Variants in ZNF148 observed in about 807,000 individuals in gnomAD.
ZNF148 encodes zinc finger protein 148, also known as Beta-Enolase Repressor Factor-1.
In ZNF148, 7 loss-of-function variants were observed where a neutral mutation model predicts 67.7. That is an observed-to-expected ratio of 0.10 (90% CI 0.06 to 0.19). The LOEUF (loss-of-function observed/expected upper bound fraction) is 0.19. ZNF148 is among the 10% of genes least tolerant of loss of function. The pLI, the probability that ZNF148 is intolerant of heterozygous loss-of-function variation, is 1.00. For missense variants in ZNF148, 583 were observed against 947.1 expected (o/e 0.62, Z 5.05); for synonymous variants, 333 against 330.7 (o/e 1.01, Z -0.08).
chr3:125,366,156 T>C (rs1021130790), intron 1 of ZNF148, among the ~76,000 whole-genome samples: 13 of 152,364 alleles, frequency 8.5e-5, no homozygotes, highest in African/African-American at 3.1e-4. Flanking sequence ...TTTAATCATA[T>C]GTTAACATAC....
intron 5 of ZNF148, among the ~76,000 whole-genome samples, chr3:125,286,429 A>C (rs1046431692): frequency 6.6e-6 from 1 of 152,190 alleles, no homozygotes; most frequent in Admixed American, 6.5e-5. Context: ...ATGCAGACAG[A>C]TACACCTCAG....
intron 7 of ZNF148, among the ~76,000 whole-genome samples, chr3:125,272,830 A>G (rs1937829568): frequency 6.6e-6 from 1 of 152,216 alleles, no homozygotes; most frequent in Non-Finnish European, 1.5e-5. Flanking sequence ...TTAAAGCAGA[A>G]AATGTCAGTC....
At chr3:125,300,834 C>G (rs1032799008) in intron 4 of ZNF148, among the ~76,000 whole-genome samples, 1 of 152,286 alleles carries the variant, frequency 6.6e-6, no homozygotes, top group East Asian at 1.9e-4. Context: ...TTTGCTAATA[C>G]AGAACATAAG....
intron 4 of ZNF148, among the ~76,000 whole-genome samples, chr3:125,295,850 C>G (rs571250986): frequency 6.6e-6 from 1 of 152,234 alleles, no homozygotes; most frequent in Non-Finnish European, 1.5e-5. Flanking sequence ...TAATATCCAT[C>G]TTACATCAGA....
chr3:125,346,851 A>G (rs1941962956), intron 1 of ZNF148, among the ~76,000 whole-genome samples: 1 of 152,026 alleles, frequency 6.6e-6, no homozygotes, highest in African/African-American at 2.4e-5. Flanking sequence ...CTTACTGTAA[A>G]TTTTGCTTAA....
intron 7 of ZNF148, among the ~76,000 whole-genome samples, chr3:125,248,293 C>T (rs1936690492): frequency 6.6e-6 from 1 of 152,140 alleles, no homozygotes; most frequent in African/African-American, 2.4e-5. Flanking sequence ...TTAGTCATGT[C>T]TATTTCTGAA....
At chr3:125,282,150 T>A (rs1426567359) in intron 5 of ZNF148, among the ~76,000 whole-genome samples, 1 of 152,146 alleles carries the variant, frequency 6.6e-6, no homozygotes. Context: ...GAGAAGCGGG[T>A]AGGCAAAGAA....
intron 7 of ZNF148, among the ~76,000 whole-genome samples, chr3:125,274,177 A>G (rs951027201): frequency 6.6e-6 from 1 of 152,256 alleles, no homozygotes; most frequent in Non-Finnish European, 1.5e-5. Context: ...AAATCTGCCA[A>G]TGATGATAAA....
chr3:125,313,702 A>G (rs1035780829), intron 3 of ZNF148, 46 bp from the exon 4 acceptor site: 23 of 1,393,134 alleles, frequency 1.7e-5, no homozygotes, highest in Non-Finnish European at 2.3e-5. Context: ...TTAGTTTTAT[A>G]TGACTACTTC....
chr3:125,286,973 A>G (rs925529048), intron 5 of ZNF148, among the ~76,000 whole-genome samples: 3 of 152,220 alleles, frequency 2.0e-5, no homozygotes, highest in African/African-American at 7.2e-5. Flanking sequence ...ATCAGGAGGT[A>G]TAGAAACATT....
intron 7 of ZNF148, among the ~76,000 whole-genome samples, chr3:125,271,069 TTCA>T (rs1937706404): frequency 6.6e-6 from 1 of 152,222 alleles, no homozygotes; most frequent in Non-Finnish European, 1.5e-5. Context: ...TACAATTTTC[TTCA>T]TATTAGTTAT....
chr3:125,237,413 T>C (rs553725654), intron 7 of ZNF148, among the ~76,000 whole-genome samples: 43 of 152,176 alleles, frequency 2.8e-4, no homozygotes, highest in African/African-American at 1.0e-3. Flanking sequence ...GAAACCTGTT[T>C]CTACTAAAAA....
At chr3:125,266,151 A>C (rs1286661991) in intron 7 of ZNF148, among the ~76,000 whole-genome samples, 2 of 152,186 alleles carry the variant, frequency 1.3e-5, no homozygotes, top group African/African-American at 4.8e-5. Context: ...ACAGCCTTAA[A>C]TAGATTATTG....
chr3:125,255,188 A>G (rs1392175951), intron 7 of ZNF148, among the ~76,000 whole-genome samples: 5 of 147,232 alleles, frequency 3.4e-5, no homozygotes, highest in Admixed American at 3.4e-4. Context: ...GTCTGTAAAT[A>G]TTCATTTACG....
chr3:125,274,806 G>A (rs1285313602), intron 7 of ZNF148, among the ~76,000 whole-genome samples: 1 of 152,214 alleles, frequency 6.6e-6, no homozygotes, highest in African/African-American at 2.4e-5. Flanking sequence ...ACCAACCTTT[G>A]AGGGTCGGTT....
chr3:125,293,642 C>CTGAGCAAGAACG (rs1271108256), intron 4 of ZNF148, among the ~76,000 whole-genome samples: 9 of 152,264 alleles, frequency 5.9e-5, no homozygotes, highest in African/African-American at 1.4e-4. Context: ...AAGATGGAAT[C>CTGAGCAAGAACG]TGAGCAAGAA....
In ZNF148 at chr3:125,229,665, A is replaced by C. The variant is rs1330031862; in HGVS notation, c.*2676T>G. On this transcript the variant is annotated 3_prime_UTR_variant, in exon 9 of 9. Coordinates refer to ENST00000360647, the MANE Select transcript of ZNF148 (RefSeq NM_021964.3). ...TAAGGGTGTACCAGCATGTTTTTAT[A>C]GAACAATGTGCTCACTTTGAGAAAT... 1 of 152,178 alleles carries C rather than the reference A, an allele frequency of 6.6e-6. No individual in the cohort carries two copies. 9.4% of individuals were successfully genotyped at this position (152,178 alleles called of 1,614,324 possible). A position where few individuals can be genotyped will look rare whatever the true frequency, so the allele number is the denominator to read the frequency against.
intron 2 of ZNF148, among the ~76,000 whole-genome samples, chr3:125,328,560 T>C (rs1941129920): frequency 6.6e-6 from 1 of 152,064 alleles, no homozygotes. Flanking sequence ...CTATGTATGT[T>C]ACCATAAATA....
intron 5 of ZNF148, among the ~76,000 whole-genome samples, chr3:125,282,192 C>A (rs774055735): frequency 1.3e-5 from 2 of 152,182 alleles, no homozygotes; most frequent in Non-Finnish European, 2.9e-5. Flanking sequence ...AAATAGCACA[C>A]TAACGCAGGC....
Sources: allele counts gnomAD v4.1 joint callset (sites outside exome capture counted in the v4.1 genomes callset), GRCh38; gene constraint gnomAD v4.1.1; transcripts MANE v1.5; gene names NCBI Gene and HGNC (gene_info 2026-07-23, HGNC 2026-07-21).